Variants in PTPRT observed in about 807,000 individuals in gnomAD.
PTPRT encodes the protein protein tyrosine phosphatase receptor type T, also known as receptor-type tyrosine-protein phosphatase T.
A neutral mutation model predicts 176.8 loss-of-function variants in PTPRT; 56 were observed. The ratio of observed to expected loss-of-function variants is 0.32; its 90% CI spans 0.26 to 0.40. The LOEUF (loss-of-function observed/expected upper bound fraction) is 0.40, where lower values mean the gene tolerates loss of function less well. Ranked by LOEUF, PTPRT falls within the 10% of genes least tolerant of loss-of-function variation. The pLI is 1.00. For synonymous variants in PTPRT, 783 were observed against 739.0 expected, an observed-to-expected ratio of 1.06 and a Z score of -0.96; for missense variants, 1,540 against 1,908.2, an observed-to-expected ratio of 0.81 and a Z score of 3.60.
At chr20:42,562,478 C>T (rs1216136981) in intron 7 of PTPRT, among the ~76,000 whole-genome samples, 1 of 152,186 alleles carries the variant, frequency 6.6e-6, no homozygotes, top group African/African-American at 2.4e-5. Context: ...TGTAGCAGTA[C>T]AATACAACAA....
At chr20:42,158,998 C>T (rs530425775) in intron 17 of PTPRT, among the ~76,000 whole-genome samples, 2 of 152,104 alleles carry the variant, frequency 1.3e-5, no homozygotes, top group Non-Finnish European at 2.9e-5. Flanking sequence ...AAATATTAAT[C>T]TAGAACGAAA....
At chr20:42,228,605 TATC>T (rs2056069930) in intron 15 of PTPRT, among the ~76,000 whole-genome samples, 1 of 152,246 alleles carries the variant, frequency 6.6e-6, no homozygotes, top group African/African-American at 2.4e-5. Flanking sequence ...CTGAAAGCTC[TATC>T]ATCACCGTAG....
At chr20:42,637,440 TC>T (rs572996415) in intron 7 of PTPRT, among the ~76,000 whole-genome samples, 1 of 152,030 alleles carries the variant, frequency 6.6e-6, no homozygotes, top group Non-Finnish European at 1.5e-5. Flanking sequence ...CCAAGCTTGT[TC>T]CCCCCTCACA....
At chr20:43,082,692 C>A (rs1444749974) in intron 1 of PTPRT, among the ~76,000 whole-genome samples, 1 of 152,188 alleles carries the variant, frequency 6.6e-6, no homozygotes, top group Non-Finnish European at 1.5e-5. Flanking sequence ...GAATTTAAAA[C>A]CAGCCCAATT....
intron 13 of PTPRT, among the ~76,000 whole-genome samples, chr20:42,257,727 T>C (rs2056673536): frequency 6.8e-6 from 1 of 148,082 alleles, no homozygotes; most frequent in Non-Finnish European, 1.5e-5. Flanking sequence ...TCTGTCATGA[T>C]TGGAAGCTTC....
At chr20:42,156,070 C>T (rs978083805) in intron 17 of PTPRT, among the ~76,000 whole-genome samples, 2 of 152,298 alleles carry the variant, frequency 1.3e-5, no homozygotes, top group East Asian at 3.9e-4. Context: ...TGTGCCCACC[C>T]CTGTGCCATA....
chr20:42,859,718 G>A (rs192422593), intron 2 of PTPRT, among the ~76,000 whole-genome samples: 1 of 151,394 alleles, frequency 6.6e-6, no homozygotes, highest in African/African-American at 2.4e-5. Flanking sequence ...CGAGCAGCTG[G>A]GACTACAGGC....
At chr20:43,047,958 G>A (rs147528051) in intron 1 of PTPRT, among the ~76,000 whole-genome samples, 83 of 152,270 alleles carry the variant, frequency 5.5e-4, no homozygotes, top group Admixed American at 2.0e-3. Context: ...CCTTGTCTCA[G>A]GGTTACAAAG....
chr20:42,067,770 G>A (rs1001135825), downstream of PTPRT, among the ~76,000 whole-genome samples: 8 of 152,222 alleles, frequency 5.3e-5, no homozygotes, highest in East Asian at 1.4e-3. Flanking sequence ...TGGACATCTG[G>A]CGGCCCTCTA....
At chr20:42,614,301 C>T (rs898371460) in intron 7 of PTPRT, among the ~76,000 whole-genome samples, 6 of 152,104 alleles carry the variant, frequency 3.9e-5, no homozygotes, top group Non-Finnish European at 8.8e-5. Context: ...CACCTAATGA[C>T]CTTATCTTAA....
intron 24 of PTPRT, among the ~76,000 whole-genome samples, chr20:42,106,553 C>A (rs541760996): frequency 3.9e-4 from 59 of 152,282 alleles, no homozygotes; most frequent in African/African-American, 1.4e-3. Context: ...GAACTCACCA[C>A]CATTCTTCAT....
chr20:42,036,707 A>G, the PTPRT span, among the ~76,000 whole-genome samples: 4 of 152,214 alleles, frequency 2.6e-5, no homozygotes, highest in Non-Finnish European at 5.9e-5. Flanking sequence ...GAGAGAGTAG[A>G]AAGTCCAAGT....
intron 11 of PTPRT, among the ~76,000 whole-genome samples, chr20:42,338,397 T>C (rs1331309442): frequency 1.3e-5 from 2 of 152,206 alleles, no homozygotes; most frequent in Non-Finnish European, 2.9e-5. Flanking sequence ...TTTGGAAATA[T>C]GATGGCTGTT....
At position 42,942,458 on chromosome 20, in the gene PTPRT, C is replaced by T. The variant is rs542150383; in HGVS notation, c.89-56526G>A. ...AAAACAGAACAGGCTGGGTACCCCA[C>T]CACGTGTTCTTACTACACTTCACAT... On this transcript the variant is annotated intron_variant, in intron 1 of 30. Transcript: ENST00000373187. Among the ~76,000 whole-genome samples the T allele has an allele frequency of 7.9e-5, 12 of 152,334 alleles. No homozygotes were observed. In the South Asian group the frequency reaches 1.9e-3, roughly 24 times the overall value.
intron 7 of PTPRT, among the ~76,000 whole-genome samples, chr20:42,640,014 CT>C (rs2074703936): frequency 6.6e-6 from 1 of 152,084 alleles, no homozygotes; most frequent in Admixed American, 6.5e-5. Flanking sequence ...ATGATATCTC[CT>C]TTTGACAGCC....
chr20:43,104,893 C>A (rs572243184), intron 1 of PTPRT, among the ~76,000 whole-genome samples: 1 of 152,266 alleles, frequency 6.6e-6, no homozygotes, highest in African/African-American at 2.4e-5. Context: ...GTGGTGACTG[C>A]TGTGGACTTA....
At chr20:42,368,385 C>T (rs1253527278) in intron 9 of PTPRT, among the ~76,000 whole-genome samples, 1 of 152,104 alleles carries the variant, frequency 6.6e-6, no homozygotes, top group East Asian at 1.9e-4. Flanking sequence ...ATGGGAGTTC[C>T]CTGAGCTTTA....
chr20:43,149,571 G>A (rs2014276444), intron 1 of PTPRT, among the ~76,000 whole-genome samples: 1 of 152,230 alleles, frequency 6.6e-6, no homozygotes, highest in Non-Finnish European at 1.5e-5. Flanking sequence ...TATCAGTTGT[G>A]TGTCTTTGAG....
chr20:42,476,096 A>T (rs1276353328), intron 7 of PTPRT, among the ~76,000 whole-genome samples: 1 of 152,234 alleles, frequency 6.6e-6, no homozygotes, highest in African/African-American at 2.4e-5. Flanking sequence ...TAGTCTCAAA[A>T]GGTTGTTAAT....
Sources: gnomAD v4.1 joint callset for allele counts (sites outside exome capture counted in the v4.1 genomes callset) on GRCh38, gnomAD v4.1.1 for gene constraint, MANE v1.5 for transcripts, NCBI Gene and HGNC (gene_info 2026-07-23, HGNC 2026-07-21) for gene names.